The following IGSF23 variants were observed in gnomAD, a reference collection of about 807,000 sequenced individuals.
The protein encoded by IGSF23 is immunoglobulin superfamily, member 23.
Under a neutral mutation model 17.8 loss-of-function variants are expected in IGSF23, and 14 were observed. The observed-to-expected ratio is 0.79, with a 90% CI of 0.52 to 1.23. IGSF23 has a LOEUF of 1.23. Ranked by LOEUF, IGSF23 falls within the 50% of genes most tolerant of loss-of-function variation. The pLI is 0.00. For synonymous variants in IGSF23, 85 were observed against 92.5 expected (o/e 0.92, Z 0.46); for missense variants, 214 against 241.7 (o/e 0.89, Z 0.76).
At chr19:44,619,952 C>T (rs1223861079) in intron 1 of IGSF23, among the ~76,000 whole-genome samples, 1 of 152,156 alleles carries the variant, frequency 6.6e-6, no homozygotes, top group Non-Finnish European at 1.5e-5. Context: ...GGTTCAGATT[C>T]TGATGCTCTA....
At chr19:44,614,003 AC>A (rs1784909569) in intron 1 of IGSF23, 2 of 1,510,962 alleles carry the variant, frequency 1.3e-6, no homozygotes, top group African/African-American at 2.8e-5. Flanking sequence ...TGCGTTGGAG[AC>A]AGCGGCTTCA....
Position 44,625,350 on chromosome 19 carries a change from A to G in IGSF23, c.391+1378A>G, listed in dbSNP as rs546873451. Among the ~76,000 whole-genome samples, 179 of 152,306 alleles carry G rather than the reference A, an allele frequency of 1.2e-3. 1 individual carries two copies. The highest frequency in any genetic ancestry group is 2.2e-3 in the Non-Finnish European group (152 of 68,020). ...TAACACTGTTGCAATTAGCATTGTC[A>G]TTATTAATTGTAGCTATTACCATAT... On this transcript the variant is annotated intron_variant, in intron 2 of 4. Coordinates refer to ENST00000402988, the MANE Select transcript of IGSF23 (RefSeq NM_001205280.2).
chr19:44,622,204 T>G (rs1972537737), intron 1 of IGSF23, among the ~76,000 whole-genome samples: 1 of 148,858 alleles, frequency 6.7e-6, no homozygotes, highest in African/African-American at 2.5e-5. Context: ...AAACTCCGTT[T>G]CAAGAAAAAA....
intron 3 of IGSF23, among the ~76,000 whole-genome samples, chr19:44,631,938 T>C (rs1419165487): frequency 6.6e-6 from 1 of 152,168 alleles, no homozygotes; most frequent in Non-Finnish European, 1.5e-5. Context: ...CACAGAGATA[T>C]TGTTCATGGT....
chr19:44,615,880 C>T (rs951269100), intron 1 of IGSF23, among the ~76,000 whole-genome samples: 4 of 110,328 alleles, frequency 3.6e-5, no homozygotes, highest in Admixed American at 1.5e-4. Context: ...GGAAACACGG[C>T]ATGCTGTGTG....
chr19:44,623,261 G>A (rs1480163097), intron 1 of IGSF23, among the ~76,000 whole-genome samples: 1 of 152,220 alleles, frequency 6.6e-6, no homozygotes, highest in Non-Finnish European at 1.5e-5. Context: ...GTGTTCCCAA[G>A]CTGGTTACCA....
chr19:44,635,376 G>C (rs185071652), intron 3 of IGSF23, 25 bp from the exon 4 acceptor site: 403 of 1,056,374 alleles, frequency 3.8e-4, no homozygotes, highest in Non-Finnish European at 4.6e-4. Flanking sequence ...CTCTCTCTCT[G>C]TCTCTCTCTC....
In IGSF23 at chr19:44,623,980, C is replaced by T; in HGVS notation, c.391+8C>T. ...TAACCATCTCGCTGCCAAGTGAGTC[C>T]CCCATTCCACCCCACCCCACCCCAC... On this transcript the variant is annotated splice_region_variant and intron_variant, in intron 2 of 4. Coordinates refer to ENST00000402988, the MANE Select transcript of IGSF23 (RefSeq NM_001205280.2). 1 of 1,542,818 alleles carries T rather than the reference C, an allele frequency of 6.5e-7. No homozygotes were observed. The highest frequency in any genetic ancestry group is 8.7e-7 in the Non-Finnish European group (1 of 1,144,258).
At chr19:44,627,170 G>A (rs993462277) in intron 2 of IGSF23, among the ~76,000 whole-genome samples, 2 of 152,200 alleles carry the variant, frequency 1.3e-5, no homozygotes, top group African/African-American at 4.8e-5. Context: ...GCCACAGCAG[G>A]GTTCTGAGCA....
rs889455279 is a variant in IGSF23, at chr19:44,636,692, T to C, written c.*305T>C. ...CAGGGGGGAGGTTTTACCTTGGAAA[T>C]TGGCCAGACCCCAAAATATGTCTTT... On this transcript the variant is annotated 3_prime_UTR_variant, in exon 5 of 5. Coordinates refer to ENST00000402988, the MANE Select transcript of IGSF23 (RefSeq NM_001205280.2). The C allele has an allele frequency of 6.6e-6, 1 of 152,174 alleles. No homozygotes were observed. The highest frequency in any genetic ancestry group is 1.5e-5 in the Non-Finnish European group (1 of 68,032). 9.4% of individuals were successfully genotyped at this position (152,174 alleles called of 1,614,324 possible).
intron 3 of IGSF23, chr19:44,632,528 TC>T: frequency 6.4e-6 from 1 of 155,112 alleles, no homozygotes; most frequent in Non-Finnish European, 1.5e-5. Context: ...CGGGGGGTCC[TC>T]AGGATCCTCC....
At chr19:44,616,177 T>C (rs1046990779) in intron 1 of IGSF23, among the ~76,000 whole-genome samples, 1 of 152,154 alleles carries the variant, frequency 6.6e-6, no homozygotes, top group Non-Finnish European at 1.5e-5. Context: ...GGGTCTACTT[T>C]TTTTTCCTAA....
chr19:44,619,495 C>G (rs909240762), intron 1 of IGSF23, among the ~76,000 whole-genome samples: 1 of 152,188 alleles, frequency 6.6e-6, no homozygotes, highest in Admixed American at 6.5e-5. Flanking sequence ...CTGAGAGTAA[C>G]CAGACCCATC....
At chr19:44,624,014 C>T in intron 2 of IGSF23, 42 bp downstream of exon 2, 1 of 1,502,418 alleles carries the variant, frequency 6.7e-7, no homozygotes, top group Non-Finnish European at 8.9e-7. Context: ...ACCCAAGAGC[C>T]CTGCACCCTC....
At chr19:44,631,883 C>CCTT (rs1486692947) in intron 3 of IGSF23, among the ~76,000 whole-genome samples, 1 of 152,222 alleles carries the variant, frequency 6.6e-6, no homozygotes, top group African/African-American at 2.4e-5. Flanking sequence ...AAACCCACAA[C>CCTT]CTTCCAGCGT....
intron 1 of IGSF23, among the ~76,000 whole-genome samples, chr19:44,615,774 T>G (rs1224765532): frequency 6.6e-6 from 1 of 152,004 alleles, no homozygotes; most frequent in East Asian, 1.9e-4. Flanking sequence ...TTGTCAGAGC[T>G]GTTGTCTGAG....
Position 44,627,481 on chromosome 19 carries a change from A to G in IGSF23, c.453A>G (p.Ser151=), listed in dbSNP as rs781400909. The change falls in exon 3 of 5, where the codon TCA becomes TCG. Residue 151 remains serine (S), a synonymous_variant. Transcript: ENST00000402988. ...AGCCAGACCCCACTCTGTCCCTGTCAGGAGGCTCTGCCATCGGGCTCCTTG... is the reference window on the plus strand; with the variant it reads ...AGCCAGACCCCACTCTGTCCCTGTCGGGAGGCTCTGCCATCGGGCTCCTTG... ...PMEPDPTLSL[S]GGSAIGLLAA... 64 of 1,550,436 alleles carry G rather than the reference A, an allele frequency of 4.1e-5. No individual in the cohort carries two copies. Among genetic ancestry groups the G allele is most frequent in the Non-Finnish European group, 5.3e-5 (61 of 1,146,980 alleles).
chr19:44,621,711 G>T (rs1206331404), intron 1 of IGSF23, among the ~76,000 whole-genome samples: 1 of 152,226 alleles, frequency 6.6e-6, no homozygotes, highest in East Asian at 1.9e-4. Context: ...CATGAGAAAT[G>T]CTTTTCACAT....
intron 1 of IGSF23, among the ~76,000 whole-genome samples, chr19:44,616,969 G>A (rs1198105478): frequency 6.6e-6 from 1 of 151,898 alleles, no homozygotes. Flanking sequence ...CAGGATCATA[G>A]CTCACTGAAA....
Sources: allele counts gnomAD v4.1 joint callset (sites outside exome capture counted in the v4.1 genomes callset), GRCh38; gene constraint gnomAD v4.1.1; transcripts MANE v1.5; gene names NCBI Gene and HGNC (gene_info 2026-07-23, HGNC 2026-07-21).